The following SSH2 variants were observed in gnomAD, a reference collection of about 807,000 sequenced individuals.
The protein encoded by SSH2 is slingshot protein phosphatase 2.
SSH2 carries 37 observed loss-of-function variants against 135.2 expected under a neutral mutation model. The observed-to-expected ratio is 0.27, with a 90% CI of 0.21 to 0.36. The LOEUF (loss-of-function observed/expected upper bound fraction) is 0.36. Among genes scored for constraint, SSH2 ranks in the 10% least tolerant of loss-of-function variants. SSH2 has a pLI of 1.00. For synonymous variants in SSH2, 628 were observed against 646.2 expected, an observed-to-expected ratio of 0.97 and a Z score of 0.43; for missense variants, 1,408 against 1,765.3, an observed-to-expected ratio of 0.80 and a Z score of 3.63.
chr17:29,802,888 A>T (rs1029391251), intron 2 of SSH2, among the ~76,000 whole-genome samples: 2 of 152,196 alleles, frequency 1.3e-5, no homozygotes, highest in Non-Finnish European at 2.9e-5. Context: ...AATTCACTGG[A>T]TATCAGATTA....
chr17:29,823,250 T>C (rs1490381707), intron 2 of SSH2, among the ~76,000 whole-genome samples: 3 of 152,200 alleles, frequency 2.0e-5, no homozygotes, highest in African/African-American at 7.2e-5. Flanking sequence ...TTTAAAAACA[T>C]ATGAGGCATT....
intron 4 of SSH2, among the ~76,000 whole-genome samples, chr17:29,698,485 T>A (rs2038852957): frequency 6.6e-6 from 1 of 151,976 alleles, no homozygotes. Flanking sequence ...GAGGATACTT[T>A]TTATTTTATT....
chr17:29,842,820 C>T (rs886285391), intron 2 of SSH2, among the ~76,000 whole-genome samples: 6 of 152,140 alleles, frequency 3.9e-5, no homozygotes, highest in East Asian at 1.9e-4. Context: ...TTTTTTCTGA[C>T]GATGGGCCCT....
Position 29,631,804 on chromosome 17 carries a change from T to C in SSH2, c.3390A>G (p.Arg1130=). The C allele has an allele frequency of 6.2e-7, 1 of 1,614,214 alleles. No individual in the cohort carries two copies. The highest frequency in any genetic ancestry group is 8.5e-7 in the Non-Finnish European group (1 of 1,180,038). The change falls in exon 16 of 16, where the codon AGA becomes AGG. Residue 1130 remains arginine, a synonymous_variant. Transcript: ENST00000540801. The stretch of plus-strand genomic sequence containing the variant: ...CCAGGGCTGTGGACAGGCTGCTGCC[T>C]CTGTCTTCAGGGCTACTCAGGATGG... ...PTSILSSPED[R]GSSLSTALET...
chr17:29,912,897 A>G (rs1336719707), intron 1 of SSH2, among the ~76,000 whole-genome samples: 1 of 152,082 alleles, frequency 6.6e-6, no homozygotes, highest in Non-Finnish European at 1.5e-5. Context: ...CACAGATCCT[A>G]TTTGGCCAGC....
At chr17:29,788,614 C>CCCTCCCTT (rs202187475) in intron 3 of SSH2, among the ~76,000 whole-genome samples, 24 of 151,654 alleles carry the variant, frequency 1.6e-4, no homozygotes, top group Non-Finnish European at 1.9e-4. Flanking sequence ...CTCACTCTCT[C>CCCTCCCTT]CCTCCCTTCC....
chr17:29,782,196 G>A (rs890198573), intron 3 of SSH2, among the ~76,000 whole-genome samples: 4 of 151,976 alleles, frequency 2.6e-5, no homozygotes, highest in East Asian at 3.9e-4. Flanking sequence ...ATAATGCCCC[G>A]TTGTTTCATA....
In SSH2 at chr17:29,655,581, T is replaced by C. The variant is rs772654332; in HGVS notation, c.1059A>G (p.Leu353=). Reference sequence around the variant, plus strand: ...CTTACCCTCGGTTCTGTAAGTCCTCTAAGTTGGAGGCATTCCATTCTGAGC... The same window carrying C: ...CTTACCCTCGGTTCTGTAAGTCCTCCAAGTTGGAGGCATTCCATTCTGAGC... The part of the protein sequence containing the change: ...FLGSEWNASN[L]EDLQNRGVRY... The change falls in exon 12 of 16, where the codon TTA becomes TTG. Residue 353 remains leucine (L), a synonymous_variant. Coordinates refer to ENST00000540801, the MANE Select transcript of SSH2 (RefSeq NM_001282129.2). 6.2e-7 allele frequency: 1 copy of C among 1,614,122 alleles called. No individual in the cohort carries two copies.
chr17:29,668,634 G>A (rs2037368800), intron 9 of SSH2, among the ~76,000 whole-genome samples: 1 of 152,190 alleles, frequency 6.6e-6, no homozygotes, highest in East Asian at 1.9e-4. Flanking sequence ...CTACTTGGGA[G>A]GCTGAGGTGG....
intron 3 of SSH2, chr17:29,716,607 C>T: frequency 1.5e-6 from 1 of 682,484 alleles, no homozygotes; most frequent in South Asian, 1.4e-5. Flanking sequence ...ATATGCATGG[C>T]CAAAGGAACA....
At chr17:29,702,122 G>C (rs1043130016) in intron 4 of SSH2, among the ~76,000 whole-genome samples, 1 of 151,936 alleles carries the variant, frequency 6.6e-6, no homozygotes, top group African/African-American at 2.4e-5. Context: ...GATAACTGAG[G>C]TGGGTGGATC....
chr17:29,874,722 T>C (rs182268172), intron 1 of SSH2, among the ~76,000 whole-genome samples: 4 of 152,302 alleles, frequency 2.6e-5, no homozygotes, highest in South Asian at 4.1e-4. Flanking sequence ...TATGACCTTA[T>C]AGCAGCATGA....
rs1348566020 is a variant in SSH2, at chr17:29,823,446, T to A, written c.144+25403A>T. Among the ~76,000 whole-genome samples, 7 of 152,258 alleles carry A rather than the reference T, an allele frequency of 4.6e-5. No individual in the cohort carries two copies. In the East Asian group the frequency reaches 1.4e-3, roughly 29 times the overall value. ...GTGGATGATGCCTTCCTTACATTCC[T>A]CCAGCTCTAACACCCCACATTGGGC... On this transcript the variant is annotated intron_variant, in intron 2 of 15. Coordinates refer to ENST00000540801, the MANE Select transcript of SSH2 (RefSeq NM_001282129.2).
Position 29,761,148 on chromosome 17 carries a change from A to C in SSH2, c.188+32746T>G, listed in dbSNP as rs535529487. On this transcript the variant is annotated intron_variant, in intron 3 of 15. Coordinates refer to ENST00000540801, the MANE Select transcript of SSH2 (RefSeq NM_001282129.2). ...GAGGCGGAGGGCGCGCGGCGGACTC[A>C]CAGCTGGTTGATGGCGTTCTGCGAG... is the stretch of plus-strand genomic sequence containing the variant. The C allele has an allele frequency of 2.3e-6, 3 of 1,288,922 alleles. No homozygotes were observed. The African/African-American group carries it at 4.6e-5, about 20-fold the overall frequency. 79.8% of individuals were successfully genotyped at this position (1,288,922 alleles called of 1,614,324 possible). A position where few individuals can be genotyped will look rare whatever the true frequency, so the allele number is the denominator to read the frequency against.
intron 2 of SSH2, among the ~76,000 whole-genome samples, chr17:29,832,253 C>T (rs1413462202): frequency 6.6e-6 from 1 of 152,116 alleles, no homozygotes; most frequent in East Asian, 1.9e-4. Context: ...AAGGGATCCT[C>T]CCACCTTAGC....
chr17:29,758,743 A>T (rs1382141020), intron 3 of SSH2, among the ~76,000 whole-genome samples: 1 of 152,136 alleles, frequency 6.6e-6, no homozygotes, highest in African/African-American at 2.4e-5. Flanking sequence ...TCTTTTAAAA[A>T]TTATTTTATT....
chr17:29,885,311 T>C (rs898129185), intron 1 of SSH2, among the ~76,000 whole-genome samples: 1 of 150,080 alleles, frequency 6.7e-6, no homozygotes, highest in African/African-American at 2.5e-5. Context: ...TTTTAACTCT[T>C]ATTAACCAAA....
rs1048281393 is a variant in SSH2, at chr17:29,628,914, A to C, written c.*1927T>G. ...AGTGGCCCCAGTCTACCTTTTCTGC[A>C]TCTTTTGGGTCGCCCTGCCATCTGC... On this transcript the variant is annotated 3_prime_UTR_variant, in exon 16 of 16. Coordinates refer to ENST00000540801, the MANE Select transcript of SSH2 (RefSeq NM_001282129.2). The C allele has an allele frequency of 1.3e-5, 2 of 152,352 alleles. No individual in the cohort carries two copies. Among genetic ancestry groups the C allele is most frequent in the Non-Finnish European group, 1.5e-5 (1 of 68,074 alleles). The allele number at this position is 152,352 out of a possible 1,614,324, so 9.4% of individuals were successfully genotyped here.
At chr17:29,720,751 G>GAGGAGGAGGA (rs2039795806) in intron 3 of SSH2, among the ~76,000 whole-genome samples, 1 of 152,148 alleles carries the variant, frequency 6.6e-6, no homozygotes, top group Non-Finnish European at 1.5e-5. Context: ...AACGATGATG[G>GAGGAGGAGGA]AGGAGGAGGA....
Sources: gnomAD v4.1 joint callset for allele counts (sites outside exome capture counted in the v4.1 genomes callset) on GRCh38, gnomAD v4.1.1 for gene constraint, MANE v1.5 for transcripts, NCBI Gene and HGNC (gene_info 2026-07-23, HGNC 2026-07-21) for gene names.